The following EPHA6 variants were observed in gnomAD, a reference collection of about 807,000 sequenced individuals.
The protein encoded by EPHA6 is ephrin type-A receptor 6.
In EPHA6, 50 loss-of-function variants were observed where a neutral mutation model predicts 112.0. The ratio of observed to expected loss-of-function variants is 0.45; its 90% CI spans 0.36 to 0.56. The LOEUF is 0.56. Ranked by LOEUF, EPHA6 falls within the 20% of genes least tolerant of loss-of-function variation. The pLI, the probability that EPHA6 is intolerant of heterozygous loss-of-function variation, is 0.00. For missense variants in EPHA6, 1,280 were observed against 1,417.4 expected, an observed-to-expected ratio of 0.90 and a Z score of 1.56; for synonymous variants, 529 against 490.7, an observed-to-expected ratio of 1.08 and a Z score of -1.03.
At chr3:96,957,841 A>G (rs900468144) in intron 2 of EPHA6, among the ~76,000 whole-genome samples, 2 of 152,118 alleles carry the variant, frequency 1.3e-5, no homozygotes, top group East Asian at 1.9e-4. Flanking sequence ...ATATGACTGT[A>G]TTACATTTTA....
intron 13 of EPHA6, among the ~76,000 whole-genome samples, chr3:97,630,585 CAATT>C (rs2093894468): frequency 6.6e-6 from 1 of 151,950 alleles, no homozygotes; most frequent in Admixed American, 6.6e-5. Context: ...ATTTATAAAT[CAATT>C]GTTCAGAACT....
At chr3:96,830,986 C>T (rs2034035308) in intron 1 of EPHA6, among the ~76,000 whole-genome samples, 1 of 147,904 alleles carries the variant, frequency 6.8e-6, no homozygotes, top group Non-Finnish European at 1.5e-5. Flanking sequence ...TATATATATA[C>T]ACACACACAC....
At chr3:97,272,262 CTCTT>C (rs1213998535) in intron 5 of EPHA6, among the ~76,000 whole-genome samples, 3 of 152,138 alleles carry the variant, frequency 2.0e-5, no homozygotes, top group African/African-American at 7.2e-5. Flanking sequence ...ATGGCAGCAT[CTCTT>C]TCTTTTTAAA....
chr3:96,924,621 C>A (rs531742722), intron 2 of EPHA6, among the ~76,000 whole-genome samples: 2 of 152,096 alleles, frequency 1.3e-5, no homozygotes, highest in South Asian at 4.2e-4. Flanking sequence ...TCTGAATACC[C>A]TTTATTTTTT....
At position 97,553,953 on chromosome 3, in the gene EPHA6, T is replaced by G. The variant is rs550824391; in HGVS notation, c.2386+21410T>G. Among the ~76,000 whole-genome samples the G allele has an allele frequency of 4.6e-5, 7 of 152,292 alleles. No individual in the cohort carries two copies. In the South Asian group the frequency reaches 1.4e-3, roughly 32 times the overall value. The stretch of plus-strand genomic sequence containing the variant: ...TGTGTTTGTATGCATCATCTATATA[T>G]AACAATAATATAAACTATCAGCCTT... On this transcript the variant is annotated intron_variant, in intron 11 of 17. Coordinates refer to ENST00000389672, the MANE Select transcript of EPHA6 (RefSeq NM_001080448.3).
chr3:97,320,004 A>C (rs2082034346), intron 5 of EPHA6, among the ~76,000 whole-genome samples: 2 of 151,982 alleles, frequency 1.3e-5, no homozygotes, highest in African/African-American at 4.8e-5. Context: ...CTCTCTCTAA[A>C]ATCAAGAATT....
At chr3:97,734,750 C>T (rs1481412625) in intron 15 of EPHA6, among the ~76,000 whole-genome samples, 2 of 151,844 alleles carry the variant, frequency 1.3e-5, no homozygotes, top group African/African-American at 2.4e-5. Context: ...TTAAATTTTG[C>T]CTGTCTTTAA....
At chr3:97,146,408 TG>T (rs1342961271) in intron 3 of EPHA6, among the ~76,000 whole-genome samples, 2 of 151,902 alleles carry the variant, frequency 1.3e-5, no homozygotes, top group Admixed American at 6.6e-5. Context: ...TGTATGATAA[TG>T]TCTCCCAAAC....
At chr3:96,970,021 G>A (rs2042255953) in intron 2 of EPHA6, among the ~76,000 whole-genome samples, 1 of 151,894 alleles carries the variant, frequency 6.6e-6, no homozygotes, top group South Asian at 2.1e-4. Flanking sequence ...TAGTTAAATA[G>A]AATGTTACTC....
At chr3:96,978,293 G>A (rs553292621) in intron 2 of EPHA6, among the ~76,000 whole-genome samples, 1 of 152,296 alleles carries the variant, frequency 6.6e-6, no homozygotes, top group East Asian at 1.9e-4. Flanking sequence ...TAAAGTGGAA[G>A]CATTGGTCTT....
chr3:97,147,844 G>T (rs764072826), intron 3 of EPHA6, among the ~76,000 whole-genome samples: 2 of 152,004 alleles, frequency 1.3e-5, no homozygotes, highest in African/African-American at 2.4e-5. Context: ...TCTGGATTCA[G>T]TACTAGAAAA....
chr3:97,031,643 A>C lies in EPHA6; in HGVS notation c.1114+43650A>C, dbSNP rs142617978. 6.6e-3 allele frequency among the ~76,000 whole-genome samples: 1,000 copies of C among 152,342 alleles called. 8 individuals are homozygous for C. Among genetic ancestry groups the C allele is most frequent in the African/African-American group, 0.022 (905 of 41,574 alleles). ...CATCAAAAAGTGGGCAAAGGACATG[A>C]ACAGACACTTCTCAAAAGAAGACAT... is the stretch of plus-strand genomic sequence containing the variant. On this transcript the variant is annotated intron_variant, in intron 3 of 17. Transcript: ENST00000389672.
At chr3:97,464,701 T>A (rs771874507) in intron 7 of EPHA6, among the ~76,000 whole-genome samples, 1 of 151,962 alleles carries the variant, frequency 6.6e-6, no homozygotes, top group East Asian at 1.9e-4. Flanking sequence ...TTGTTGCAAG[T>A]CATCAAAAAG....
chr3:97,313,719 A>C (rs2081668281), intron 5 of EPHA6, among the ~76,000 whole-genome samples: 1 of 151,456 alleles, frequency 6.6e-6, no homozygotes, highest in African/African-American at 2.4e-5. Flanking sequence ...GCTCATTTTA[A>C]AATTGTTTGT....
At chr3:97,045,360 A>G (rs1160476544) in intron 3 of EPHA6, among the ~76,000 whole-genome samples, 1 of 152,090 alleles carries the variant, frequency 6.6e-6, no homozygotes, top group Non-Finnish European at 1.5e-5. Context: ...AAGGATCGGT[A>G]TGTCACAAAA....
At chr3:97,334,089 T>C (rs903546891) in intron 5 of EPHA6, among the ~76,000 whole-genome samples, 9 of 152,144 alleles carry the variant, frequency 5.9e-5, no homozygotes, top group African/African-American at 1.9e-4. Flanking sequence ...CTTGTTGATA[T>C]AGTCGGTTAT....
chr3:97,397,879 G>A (rs2086782856), intron 5 of EPHA6, among the ~76,000 whole-genome samples: 1 of 151,342 alleles, frequency 6.6e-6, no homozygotes, highest in East Asian at 1.9e-4. Flanking sequence ...GTAAAATTAT[G>A]TACACTTCAT....
chr3:97,231,640 T>A (rs1576732516), intron 4 of EPHA6, among the ~76,000 whole-genome samples: 1 of 152,176 alleles, frequency 6.6e-6, no homozygotes, highest in Non-Finnish European at 1.5e-5. Flanking sequence ...TTAGGAGAAA[T>A]GAGTGCACCC....
chr3:96,906,660 G>T (rs1465093408), intron 2 of EPHA6, among the ~76,000 whole-genome samples: 1 of 151,966 alleles, frequency 6.6e-6, no homozygotes, highest in African/African-American at 2.4e-5. Context: ...ATATTTTTCT[G>T]TGTTGCTCGT....
Sources: gnomAD v4.1 joint callset for allele counts (sites outside exome capture counted in the v4.1 genomes callset) on GRCh38, gnomAD v4.1.1 for gene constraint, MANE v1.5 for transcripts, NCBI Gene and HGNC (gene_info 2026-07-23, HGNC 2026-07-21) for gene names.